The following PRKN variants were observed in gnomAD, a reference collection of about 807,000 sequenced individuals.
PRKN encodes E3 ubiquitin-protein ligase parkin.
Under a neutral mutation model 59.5 loss-of-function variants are expected in PRKN, and 56 were observed. The observed-to-expected ratio is 0.94, with a 90% CI of 0.76 to 1.18. PRKN has a LOEUF of 1.18. Among genes scored for constraint, PRKN ranks in the 50% most tolerant of loss-of-function variants. The probability of loss-of-function intolerance (pLI) is 0.00; values close to 1 mark genes in which losing one functional copy is unlikely to be tolerated. For synonymous variants in PRKN, 250 were observed against 222.1 expected (o/e 1.13, Z -1.12); for missense variants, 657 against 596.4 (o/e 1.10, Z -1.06).
At chr6:162,505,148 AG>A (rs1312286023) in intron 1 of PRKN, among the ~76,000 whole-genome samples, 1 of 152,194 alleles carries the variant, frequency 6.6e-6, no homozygotes, top group Non-Finnish European at 1.5e-5. Flanking sequence ...AGAGCTACTA[AG>A]GTTTAGTATT....
chr6:161,538,949 G>A lies in PRKN; in HGVS notation c.1083+9905C>T, dbSNP rs547069334. Among the ~76,000 whole-genome samples the A allele has an allele frequency of 5.3e-5, 8 of 152,268 alleles. No individual in the cohort carries two copies. The South Asian group carries it at 8.3e-4, about 16-fold the overall frequency. ...ACAGGAATAACAGCAGGTACTTAGC[G>A]CTGACCTTGGTGTTCCTGTTTCGTG... On this transcript the variant is annotated intron_variant, in intron 9 of 11. Transcript: ENST00000366898. The surrounding 1 kb of genome is among the most constrained non-coding windows in gnomAD (Gnocchi z 4.2).
At chr6:162,340,755 T>C (rs1031579228) in intron 2 of PRKN, among the ~76,000 whole-genome samples, 6 of 152,156 alleles carry the variant, frequency 3.9e-5, no homozygotes, top group Non-Finnish European at 2.9e-5. Flanking sequence ...GACCCTTTCC[T>C]TACATCTTAT....
intron 1 of PRKN, among the ~76,000 whole-genome samples, chr6:162,498,685 C>T (rs922754816): frequency 4.6e-5 from 7 of 151,498 alleles, no homozygotes; most frequent in African/African-American, 7.3e-5. Flanking sequence ...CATAAACTGC[C>T]GCCTTTAAGT....
chr6:162,631,164 T>C (rs1783095372), intron 1 of PRKN, among the ~76,000 whole-genome samples: 1 of 152,036 alleles, frequency 6.6e-6, no homozygotes, highest in Non-Finnish European at 1.5e-5. Context: ...TGGAGGAAAA[T>C]AAAACTTTTA....
chr6:161,427,321 C>T (rs370205116), intron 9 of PRKN, among the ~76,000 whole-genome samples: 121 of 152,152 alleles, frequency 8.0e-4, no homozygotes, highest in East Asian at 3.3e-3. Context: ...GTGCTTTATG[C>T]GAATCATCTT....
At chr6:161,504,087 T>A (rs515801) in intron 9 of PRKN, among the ~76,000 whole-genome samples, 121,061 of 152,148 alleles carry the variant, frequency 0.8, 48,437 homozygotes, top group Middle Eastern at 0.87. Flanking sequence ...GACATGGGTA[T>A]AGAGACAGAA....
intron 7 of PRKN, among the ~76,000 whole-genome samples, chr6:161,667,671 T>C (rs766578730): frequency 1.1e-4 from 17 of 152,192 alleles, no homozygotes; most frequent in Non-Finnish European, 2.1e-4. Flanking sequence ...TCAATAACTA[T>C]GTGTTGACCA....
chr6:161,612,648 G>C (rs1782528732), intron 7 of PRKN, among the ~76,000 whole-genome samples: 1 of 148,820 alleles, frequency 6.7e-6, no homozygotes, highest in Non-Finnish European at 1.5e-5. Flanking sequence ...TTGAACCTGG[G>C]AGGCAGAGGT....
chr6:161,952,346 C>T (rs568917299), intron 6 of PRKN, among the ~76,000 whole-genome samples: 14 of 152,186 alleles, frequency 9.2e-5, no homozygotes, highest in African/African-American at 2.6e-4. Flanking sequence ...GGCCAGGCGC[C>T]GTGGCTCATG....
chr6:161,537,953 G>A (rs1779488430), intron 9 of PRKN, among the ~76,000 whole-genome samples: 1 of 152,148 alleles, frequency 6.6e-6, no homozygotes, highest in Non-Finnish European at 1.5e-5. Flanking sequence ...AAATCGCTTG[G>A]CATCAAATTC....
At chr6:161,427,997 C>T (rs1379743544) in intron 9 of PRKN, among the ~76,000 whole-genome samples, 3 of 152,176 alleles carry the variant, frequency 2.0e-5, no homozygotes, top group Non-Finnish European at 4.4e-5. Flanking sequence ...CAGAGGGTCC[C>T]GACAGAGGGT....
intron 3 of PRKN, among the ~76,000 whole-genome samples, chr6:162,234,313 T>A (rs6940616): frequency 1.3e-4 from 20 of 152,164 alleles, no homozygotes; most frequent in African/African-American, 4.6e-4. Context: ...CCCAGTGAGC[T>A]GGCTTTAGGA....
chr6:161,672,412 C>G (rs1000430950), intron 7 of PRKN, among the ~76,000 whole-genome samples: 5 of 152,226 alleles, frequency 3.3e-5, no homozygotes, highest in African/African-American at 1.2e-4. Context: ...TTTTAACAAG[C>G]TTTTCACTGA....
chr6:161,627,845 G>A (rs1441178240), intron 7 of PRKN, among the ~76,000 whole-genome samples: 2 of 152,166 alleles, frequency 1.3e-5, no homozygotes, highest in Admixed American at 1.3e-4. Flanking sequence ...CAAAGATGGA[G>A]GTTTTCAATT....
intron 6 of PRKN, among the ~76,000 whole-genome samples, chr6:161,845,552 A>G (rs1442659504): frequency 6.6e-6 from 1 of 152,194 alleles, no homozygotes; most frequent in African/African-American, 2.4e-5. Context: ...AATAGGACAA[A>G]GTCAGAAATC....
intron 2 of PRKN, among the ~76,000 whole-genome samples, chr6:162,410,319 T>G (rs1371396991): frequency 6.6e-6 from 1 of 152,130 alleles, no homozygotes; most frequent in Non-Finnish European, 1.5e-5. Flanking sequence ...GACCAGAGTT[T>G]GCCCCCATTG....
At chr6:161,679,182 G>C (rs1007467503) in intron 7 of PRKN, among the ~76,000 whole-genome samples, 3 of 152,204 alleles carry the variant, frequency 2.0e-5, no homozygotes, top group Admixed American at 2.0e-4. Context: ...GCATCGCCAA[G>C]TGATGGGTTT....
chr6:161,383,826 G>A (rs986264409), intron 10 of PRKN, among the ~76,000 whole-genome samples: 11 of 152,304 alleles, frequency 7.2e-5, no homozygotes, highest in East Asian at 3.9e-4. Flanking sequence ...TCTCTCTCCC[G>A]AGGGACCCTG....
intron 6 of PRKN, among the ~76,000 whole-genome samples, chr6:161,948,401 C>CT: frequency 6.6e-6 from 1 of 152,336 alleles, no homozygotes; most frequent in African/African-American, 2.4e-5. Flanking sequence ...CTGCCACTCA[C>CT]TTTTGTTAAG....
Sources: gnomAD v4.1 joint callset for allele counts (sites outside exome capture counted in the v4.1 genomes callset) on GRCh38, gnomAD v4.1.1 for gene constraint, Gnocchi (gnomAD v3.1) non-coding constraint, MANE v1.5 for transcripts, NCBI Gene and HGNC (gene_info 2026-07-23, HGNC 2026-07-21) for gene names.